STIM1: variants seen among roughly 807,000 people sequenced by gnomAD.
The protein encoded by STIM1 is stromal interaction molecule 1.
STIM1 carries 25 observed loss-of-function variants against 74.7 expected under a neutral mutation model. The ratio of observed to expected loss-of-function variants is 0.33; its 90% CI spans 0.24 to 0.47. The LOEUF (loss-of-function observed/expected upper bound fraction) is 0.47. Ranked by LOEUF, STIM1 falls within the 20% of genes least tolerant of loss-of-function variation. The probability of loss-of-function intolerance (pLI) is 1.00; values close to 1 mark genes in which losing one functional copy is unlikely to be tolerated. For missense variants in STIM1, 728 were observed against 920.8 expected, an observed-to-expected ratio of 0.79 and a Z score of 2.71; for synonymous variants, 328 against 348.8, an observed-to-expected ratio of 0.94 and a Z score of 0.66.
At chr11:4,022,335 CAAAA>C (rs60560723) in intron 2 of STIM1, among the ~76,000 whole-genome samples, 6 of 104,980 alleles carry the variant, frequency 5.7e-5, no homozygotes, top group East Asian at 2.7e-4. Flanking sequence ...GAACCTGTCT[CAAAA>C]AAAAAAAAAA....
At chr11:4,016,393 T>C (rs1015809497) in intron 2 of STIM1, among the ~76,000 whole-genome samples, 6 of 152,138 alleles carry the variant, frequency 3.9e-5, no homozygotes, top group African/African-American at 1.4e-4. Flanking sequence ...GAACAGCAAA[T>C]GTTGCTGCCT....
intron 2 of STIM1, among the ~76,000 whole-genome samples, chr11:4,023,349 A>C (rs1179449952): frequency 3.9e-5 from 6 of 152,178 alleles, no homozygotes; most frequent in African/African-American, 1.4e-4. Context: ...ACAAACAAAC[A>C]AACAAACAAA....
At chr11:3,946,536 C>T (rs182370792) in intron 1 of STIM1, among the ~76,000 whole-genome samples, 4 of 152,184 alleles carry the variant, frequency 2.6e-5, no homozygotes, top group African/African-American at 9.6e-5. Context: ...TATCTGCCTG[C>T]CCTGCTTGTT....
chr11:3,895,606 CTCTCTTTCTTTCTT>C (rs2092041626), intron 1 of STIM1, among the ~76,000 whole-genome samples: 2 of 66,454 alleles, frequency 3.0e-5, no homozygotes, highest in African/African-American at 6.2e-5. Context: ...CTTTCTTTCT[CTCTCTTTCTTTCTT>C]TCTTTCTTTC....
intron 3 of STIM1, among the ~76,000 whole-genome samples, chr11:4,052,612 T>TTAGA (rs1397946845): frequency 6.6e-6 from 1 of 152,196 alleles, no homozygotes; most frequent in Admixed American, 6.5e-5. Context: ...AACTTACATG[T>TTAGA]TAGACCTAAA....
Position 3,982,820 on chromosome 11 carries a change from T to C in STIM1, c.270+15138T>C, listed in dbSNP as rs2923957. ...GTTTTTTAAAAAAGTGTCACCGCAT[T>C]GGTTGGAGTGGTGGTCACCTTTCGC... On this transcript the variant is annotated intron_variant, in intron 2 of 12. Transcript: ENST00000526596. Among the ~76,000 whole-genome samples, 8 of 152,346 alleles carry C rather than the reference T, an allele frequency of 5.3e-5. No homozygotes were observed. In the East Asian group the frequency reaches 7.7e-4, roughly 15 times the overall value.
intron 1 of STIM1, among the ~76,000 whole-genome samples, chr11:3,966,470 G>A (rs542961739): frequency 3.0e-4 from 46 of 152,194 alleles, no homozygotes; most frequent in South Asian, 1.2e-3. Context: ...TCTAAAAGGC[G>A]TCACAACCAC....
At chr11:3,989,812 A>G (rs979865917) in intron 2 of STIM1, among the ~76,000 whole-genome samples, 3 of 152,222 alleles carry the variant, frequency 2.0e-5, no homozygotes, top group Admixed American at 6.5e-5. Context: ...CACCAGGCCT[A>G]AAATATTTAC....
chr11:3,919,839 A>T (rs1055243160), intron 1 of STIM1, among the ~76,000 whole-genome samples: 1 of 152,130 alleles, frequency 6.6e-6, no homozygotes, highest in Non-Finnish European at 1.5e-5. Context: ...GCTACTTGGG[A>T]TGCTGAAGTG....
chr11:4,021,180 C>T (rs980408844), intron 2 of STIM1, among the ~76,000 whole-genome samples: 2 of 152,064 alleles, frequency 1.3e-5, no homozygotes, highest in African/African-American at 2.4e-5. Context: ...TTTGGCAGTG[C>T]AGTGACGTGA....
intron 1 of STIM1, among the ~76,000 whole-genome samples, chr11:3,923,094 C>T (rs1360456443): frequency 3.4e-5 from 4 of 116,850 alleles, no homozygotes; most frequent in Admixed American, 9.1e-5. Flanking sequence ...AGCGAGACTC[C>T]GTCTCAAAAA....
At chr11:4,001,190 A>C (rs1158173610) in intron 2 of STIM1, among the ~76,000 whole-genome samples, 1 of 152,122 alleles carries the variant, frequency 6.6e-6, no homozygotes, top group Non-Finnish European at 1.5e-5. Context: ...GAACTTCCCC[A>C]ATCTAGCAAG....
At chr11:3,972,453 TTTTCA>T (rs2093405493) in intron 2 of STIM1, among the ~76,000 whole-genome samples, 1 of 152,326 alleles carries the variant, frequency 6.6e-6, no homozygotes, top group South Asian at 2.1e-4. Flanking sequence ...CTTTGATTCA[TTTTCA>T]TTTCTTTTTT....
intron 2 of STIM1, among the ~76,000 whole-genome samples, chr11:3,982,201 A>G (rs2093512971): frequency 6.6e-6 from 1 of 151,086 alleles, no homozygotes. Context: ...TAATTTTTGT[A>G]TTTTTTGTAG....
chr11:4,051,149 G>A (rs1256555960), intron 3 of STIM1, among the ~76,000 whole-genome samples: 2 of 152,026 alleles, frequency 1.3e-5, no homozygotes, highest in African/African-American at 4.8e-5. Flanking sequence ...GTTAAAACCT[G>A]CATTGTTTAA....
At chr11:3,967,034 C>T (rs771694147) in intron 1 of STIM1, among the ~76,000 whole-genome samples, 1 of 152,172 alleles carries the variant, frequency 6.6e-6, no homozygotes, top group Non-Finnish European at 1.5e-5. Context: ...CAATGGCTGA[C>T]CTTATATGTA....
chr11:3,894,670 T>C (rs2092002233), intron 1 of STIM1, among the ~76,000 whole-genome samples: 1 of 152,206 alleles, frequency 6.6e-6, no homozygotes, highest in South Asian at 2.1e-4. Context: ...TAGGGCTGAT[T>C]CCTAGGAATC....
intron 1 of STIM1, among the ~76,000 whole-genome samples, chr11:3,885,985 C>T (rs1293427062): frequency 6.6e-6 from 1 of 152,098 alleles, no homozygotes; most frequent in East Asian, 1.9e-4. Context: ...AGGCAAGGGC[C>T]CATCAATGAA....
At chr11:3,861,056 A>G (rs2090577805) in intron 1 of STIM1, among the ~76,000 whole-genome samples, 1 of 152,070 alleles carries the variant, frequency 6.6e-6, no homozygotes, top group Non-Finnish European at 1.5e-5. Context: ...GCAGAAGAGA[A>G]CAGGAGAGAG....
Sources: gnomAD v4.1 joint callset for allele counts (sites outside exome capture counted in the v4.1 genomes callset) on GRCh38, gnomAD v4.1.1 for gene constraint, MANE v1.5 for transcripts, NCBI Gene and HGNC (gene_info 2026-07-23, HGNC 2026-07-21) for gene names.